FOXO1: variants seen among roughly 807,000 people sequenced by gnomAD.
The protein encoded by FOXO1 is forkhead box protein O1.
Under a neutral mutation model 44.1 loss-of-function variants are expected in FOXO1, and 6 were observed. The observed-to-expected ratio is 0.14, with a 90% CI of 0.07 to 0.27. The LOEUF (loss-of-function observed/expected upper bound fraction) is 0.27. Among genes scored for constraint, FOXO1 ranks in the 10% least tolerant of loss-of-function variants. The pLI, the probability that FOXO1 is intolerant of heterozygous loss-of-function variation, is 1.00. For missense variants in FOXO1, 737 were observed against 888.8 expected, an observed-to-expected ratio of 0.83 and a Z score of 2.17; for synonymous variants, 380 against 362.7, an observed-to-expected ratio of 1.05 and a Z score of -0.54.
chr13:40,663,233 T>C (rs576177574), intron 1 of FOXO1, among the ~76,000 whole-genome samples: 12 of 152,350 alleles, frequency 7.9e-5, no homozygotes, highest in African/African-American at 2.9e-4. Flanking sequence ...TAAATTATTC[T>C]TGCATTTTTA....
At position 40,557,372 on chromosome 13, in the gene FOXO1, G is replaced by C. The variant is rs1261386395; in HGVS notation, c.*1677C>G. 6.6e-6 allele frequency: 1 copy of C among 152,164 alleles called. No homozygotes were observed. The highest frequency in any genetic ancestry group is 1.5e-5 in the Non-Finnish European group (1 of 68,026). 9.4% of individuals were successfully genotyped at this position (152,164 alleles called of 1,614,324 possible). On this transcript the variant is annotated 3_prime_UTR_variant, in exon 3 of 3. Coordinates refer to ENST00000379561, the MANE Select transcript of FOXO1 (RefSeq NM_002015.4). ...TGGAAAGTAATAAAACATAATGATAGGAATTACAGTTTAGGTTGCTACAGG... is the reference window on the plus strand; with the variant it reads ...TGGAAAGTAATAAAACATAATGATACGAATTACAGTTTAGGTTGCTACAGG...
rs201043730 is a variant in FOXO1, at chr13:40,628,390, C to CACAA, written c.630+37192_630+37193insTTGT. Among the ~76,000 whole-genome samples the CACAA allele has an allele frequency of 6.6e-5, 10 of 150,978 alleles. No individual in the cohort carries two copies. In the East Asian group the frequency reaches 1.8e-3, roughly 27 times the overall value. On this transcript the variant is annotated intron_variant, in intron 1 of 2. Coordinates refer to ENST00000379561, the MANE Select transcript of FOXO1 (RefSeq NM_002015.4). ...ACACACACACACACACACACACACA[C>CACAA]CCCGTGAGGGTTTCAGTCTTCCCGG...
At chr13:40,614,694 T>G (rs1009579769) in intron 1 of FOXO1, among the ~76,000 whole-genome samples, 1 of 152,142 alleles carries the variant, frequency 6.6e-6, no homozygotes, top group Non-Finnish European at 1.5e-5. Context: ...CTGAAACACT[T>G]AGACTATTTA....
intron 1 of FOXO1, among the ~76,000 whole-genome samples, chr13:40,617,246 G>C (rs1353329644): frequency 6.6e-6 from 1 of 152,156 alleles, no homozygotes; most frequent in Non-Finnish European, 1.5e-5. Context: ...AGGAGTTCGA[G>C]ACCAGCCTGA....
At chr13:40,638,964 C>T (rs149865716) in intron 1 of FOXO1, among the ~76,000 whole-genome samples, 3,467 of 152,204 alleles carry the variant, frequency 0.023, 143 homozygotes, top group African/African-American at 0.079. Flanking sequence ...GAGGCCAATG[C>T]GGGTGGATCA....
intron 1 of FOXO1, among the ~76,000 whole-genome samples, chr13:40,652,264 C>T (rs994466009): frequency 4.6e-5 from 7 of 151,576 alleles, no homozygotes; most frequent in Non-Finnish European, 7.4e-5. Flanking sequence ...AGGCTGAAAC[C>T]TACTGGTGTA....
At chr13:40,580,077 C>T (rs1262118679) in intron 1 of FOXO1, among the ~76,000 whole-genome samples, 1 of 152,144 alleles carries the variant, frequency 6.6e-6, no homozygotes, top group Non-Finnish European at 1.5e-5. Flanking sequence ...ATTACCTTTG[C>T]ATGTTGTCTT....
intron 1 of FOXO1, among the ~76,000 whole-genome samples, chr13:40,596,172 T>G (rs1265480638): frequency 6.6e-6 from 1 of 152,146 alleles, no homozygotes; most frequent in African/African-American, 2.4e-5. Flanking sequence ...ACCAAGTGTT[T>G]GCATGAAAGC....
At chr13:40,634,739 G>A (rs1019392874) in intron 1 of FOXO1, among the ~76,000 whole-genome samples, 1 of 152,030 alleles carries the variant, frequency 6.6e-6, no homozygotes, top group Non-Finnish European at 1.5e-5. Flanking sequence ...GAGCGCAGTG[G>A]CGCAATCTCA....
At chr13:40,643,393 CG>C (rs1364294392) in intron 1 of FOXO1, among the ~76,000 whole-genome samples, 1 of 151,826 alleles carries the variant, frequency 6.6e-6, no homozygotes, top group Non-Finnish European at 1.5e-5. Flanking sequence ...ATAACTTACC[CG>C]TATTTATACA....
At chr13:40,656,936 T>C (rs1306134644) in intron 1 of FOXO1, among the ~76,000 whole-genome samples, 1 of 151,706 alleles carries the variant, frequency 6.6e-6, no homozygotes, top group Non-Finnish European at 1.5e-5. Flanking sequence ...ATTCACACCA[T>C]TCTCCCGCCT....
At chr13:40,658,600 T>C (rs1189607813) in intron 1 of FOXO1, among the ~76,000 whole-genome samples, 2 of 152,134 alleles carry the variant, frequency 1.3e-5, no homozygotes, top group Non-Finnish European at 2.9e-5. Flanking sequence ...GAGGTATACT[T>C]ATGAATGAGG....
At chr13:40,657,145 G>C (rs1256139492) in intron 1 of FOXO1, among the ~76,000 whole-genome samples, 1 of 152,026 alleles carries the variant, frequency 6.6e-6, no homozygotes, top group African/African-American at 2.4e-5. Context: ...AATATATCTT[G>C]AAAATAAGAT....
chr13:40,589,481 C>G (rs542875941), intron 1 of FOXO1, among the ~76,000 whole-genome samples: 1 of 152,304 alleles, frequency 6.6e-6, no homozygotes, highest in Admixed American at 6.5e-5. Context: ...CCGGAAACTG[C>G]TGCAAAATAA....
intron 1 of FOXO1, among the ~76,000 whole-genome samples, chr13:40,637,074 ATT>A (rs991273267): frequency 5.3e-5 from 8 of 152,180 alleles, no homozygotes; most frequent in Non-Finnish European, 1.2e-4. Flanking sequence ...GGAAGGTTGG[ATT>A]CAAACTTGAC....
intron 1 of FOXO1, among the ~76,000 whole-genome samples, chr13:40,585,372 C>CACACACACACAG (rs1339206632): frequency 1.3e-5 from 2 of 151,984 alleles, no homozygotes; most frequent in African/African-American, 4.8e-5. Flanking sequence ...CACACACACA[C>CACACACACACAG]AGCCAACTTC....
intron 1 of FOXO1, among the ~76,000 whole-genome samples, chr13:40,638,931 C>T (rs1206825708): frequency 2.0e-5 from 3 of 152,198 alleles, no homozygotes; most frequent in Non-Finnish European, 4.4e-5. Flanking sequence ...CGGTGGCTCA[C>T]GCCTATAATC....
At chr13:40,597,670 C>G (rs1451812567) in intron 1 of FOXO1, among the ~76,000 whole-genome samples, 1 of 152,140 alleles carries the variant, frequency 6.6e-6, no homozygotes, top group Middle Eastern at 3.2e-3. Flanking sequence ...TCTCTTCTGC[C>G]AATTCAGGGC....
intron 1 of FOXO1, among the ~76,000 whole-genome samples, chr13:40,638,974 A>C (rs1877258101): frequency 6.6e-6 from 1 of 152,136 alleles, no homozygotes; most frequent in African/African-American, 2.4e-5. Context: ...CGGGTGGATC[A>C]CCTGACGTCA....
Sources: gnomAD v4.1 joint callset for allele counts (sites outside exome capture counted in the v4.1 genomes callset) on GRCh38, gnomAD v4.1.1 for gene constraint, MANE v1.5 for transcripts, NCBI Gene and HGNC (gene_info 2026-07-23, HGNC 2026-07-21) for gene names.